TM2D3: variants seen among roughly 807,000 people sequenced by gnomAD.
TM2D3 encodes TM2 domain-containing protein 3.
Under a neutral mutation model 27.3 loss-of-function variants are expected in TM2D3, and 33 were observed. That is an observed-to-expected ratio of 1.21 (90% CI 0.92 to 1.61). The LOEUF is 1.61. TM2D3 is among the 40% of genes most tolerant of loss of function. The pLI, the probability that TM2D3 is intolerant of heterozygous loss-of-function variation, is 0.00. For missense variants in TM2D3, 364 were observed against 320.8 expected (o/e 1.13, Z -1.03); for synonymous variants, 138 against 122.2 (o/e 1.13, Z -0.85).
At chr15:101,649,893 A>G in intron 3 of TM2D3, 111 bp downstream of exon 3, 2 of 1,079,528 alleles carry the variant, frequency 1.9e-6, no homozygotes, top group Admixed American at 2.7e-5. Flanking sequence ...GGAAATCATA[A>G]AAGAATATAA....
At position 101,642,003 on chromosome 15, in the gene TM2D3, A is replaced by G; in HGVS notation, c.*476T>C. The G allele has an allele frequency of 1.0e-6, 1 of 986,024 alleles. No individual in the cohort carries two copies. The highest frequency in any genetic ancestry group is 1.1e-4 in the East Asian group (1 of 8,820). 61.1% of individuals were successfully genotyped at this position (986,024 alleles called of 1,614,324 possible). A position where few individuals can be genotyped will look rare whatever the true frequency, so the allele number is the denominator to read the frequency against. On this transcript the variant is annotated 3_prime_UTR_variant, in exon 6 of 6. Transcript: ENST00000333202. ...ACATATGTATTACACTGCAAAACTT[A>G]CACATGACTGAAGCTGAGCCTAATA...
chr15:101,633,530 C>G, exon 5 of TM2D3: 1 of 584,754 alleles, frequency 1.7e-6, no homozygotes, highest in Non-Finnish European at 2.8e-6. Context: ...CAATGTGTTC[C>G]TGAATAAGCA....
downstream of TM2D3, among the ~76,000 whole-genome samples, chr15:101,639,545 C>T (rs1195652560): frequency 6.6e-6 from 1 of 151,504 alleles, no homozygotes; most frequent in Admixed American, 6.6e-5. Flanking sequence ...ATGATATATG[C>T]CCAAAATAAA....
intron 5 of TM2D3, among the ~76,000 whole-genome samples, chr15:101,642,863 G>C (rs73484994): frequency 0.026 from 3,991 of 152,188 alleles, 170 homozygotes; most frequent in African/African-American, 0.09. Context: ...ATTTTTAGCT[G>C]TACTAAAAAA....
chr15:101,642,358 GCAAA>G lies in TM2D3; in HGVS notation c.*117_*120del. 7.4e-7 allele frequency: 1 copy of G among 1,349,432 alleles called. No individual in the cohort carries two copies. 83.6% of individuals were successfully genotyped at this position (1,349,432 alleles called of 1,614,324 possible). Reference sequence around the variant, plus strand: ...TTTCATTTATCTTACCTTTATCAAGGCAAACAAAGTACAGATGCTGTACATTAAA... The same window carrying G: ...TTTCATTTATCTTACCTTTATCAAGGCAAAGTACAGATGCTGTACATTAAA... On this transcript the variant is annotated 3_prime_UTR_variant, in exon 6 of 6. Coordinates refer to ENST00000333202, the MANE Select transcript of TM2D3 (RefSeq NM_078474.3).
Position 101,642,256 on chromosome 15 carries a change from G to T in TM2D3, c.*223C>A, listed in dbSNP as rs1479985292. 1 of 1,226,284 alleles carries T rather than the reference G, an allele frequency of 8.2e-7. No homozygotes were observed. Among genetic ancestry groups the T allele is most frequent in the Non-Finnish European group, 1.0e-6 (1 of 981,990 alleles). The allele number at this position is 1,226,284 out of a possible 1,614,324, so 76.0% of individuals were successfully genotyped here. ...TGTATAATTCATTCTCCTGGCTTAAGTACGTTTTAATTTTTTCACAGAAAA... is the reference window on the plus strand; with the variant it reads ...TGTATAATTCATTCTCCTGGCTTAATTACGTTTTAATTTTTTCACAGAAAA... On this transcript the variant is annotated 3_prime_UTR_variant, in exon 6 of 6. Transcript: ENST00000333202.
chr15:101,650,308 G>T, intron 2 of TM2D3, 147 bp from the exon 3 acceptor site: 1 of 715,274 alleles, frequency 1.4e-6, no homozygotes, highest in Non-Finnish European at 2.2e-6. Context: ...AGAGACACCT[G>T]CAATTAAAGC....
intron 3 of TM2D3, among the ~76,000 whole-genome samples, chr15:101,647,793 C>T (rs1345573482): frequency 1.3e-5 from 2 of 152,088 alleles, no homozygotes; most frequent in African/African-American, 4.8e-5. Flanking sequence ...CTCTACCTGA[C>T]ATTACATTGC....
At chr15:101,633,771 G>T in intron 4 of TM2D3, 1 of 1,487,802 alleles carries the variant, frequency 6.7e-7, no homozygotes, top group Non-Finnish European at 9.0e-7. Context: ...AAAACAATTA[G>T]TTCTTATGAC....
chr15:101,635,553 GC>G (rs1315918295), intron 4 of TM2D3: 1 of 152,162 alleles, frequency 6.6e-6, no homozygotes. Flanking sequence ...GCTAGAGAAG[GC>G]GAATCCGTGT....
At chr15:101,641,550 A>G (rs1896669027), downstream of TM2D3, among the ~76,000 whole-genome samples, 1 of 152,270 alleles carries the variant, frequency 6.6e-6, no homozygotes, top group South Asian at 2.1e-4. Context: ...GTGTTTAAAA[A>G]GCAGTAACTC....
At chr15:101,651,881 T>G in intron 1 of TM2D3, 108 bp from the exon 2 acceptor site, 1 of 1,119,046 alleles carries the variant, frequency 8.9e-7, no homozygotes, top group South Asian at 1.2e-5. Context: ...AAGCTGCTCA[T>G]GAAAACCTCA....
chr15:101,643,475 G>A (rs111313802), intron 5 of TM2D3, among the ~76,000 whole-genome samples: 2 of 151,920 alleles, frequency 1.3e-5, no homozygotes, highest in East Asian at 1.9e-4. Flanking sequence ...GGTGGCGGGC[G>A]CCTGTAGTCC....
At chr15:101,648,200 G>A (rs1490991872) in intron 3 of TM2D3, 1 of 150,900 alleles carries the variant, frequency 6.6e-6, no homozygotes, top group Non-Finnish European at 1.5e-5. Flanking sequence ...CCCGGCCCAT[G>A]TTTGTTATTT....
At chr15:101,647,314 A>G (rs1440531468) in intron 3 of TM2D3, among the ~76,000 whole-genome samples, 1 of 152,228 alleles carries the variant, frequency 6.6e-6, no homozygotes, top group Non-Finnish European at 1.5e-5. Context: ...CATTTGTTGA[A>G]GGTCACTGAG....
chr15:101,647,042 C>T (rs893376651), intron 3 of TM2D3, 143 bp from the exon 4 acceptor site: 6 of 769,958 alleles, frequency 7.8e-6, no homozygotes, highest in Admixed American at 4.9e-5. Context: ...AAACAGTTAC[C>T]AAAACAATAT....
At position 101,652,296 on chromosome 15, in the gene TM2D3, C is replaced by A; in HGVS notation, c.66G>T (p.Ser22=). 1 of 1,604,866 alleles carries A rather than the reference C, an allele frequency of 6.2e-7. No homozygotes were observed. Among genetic ancestry groups the A allele is most frequent in the Non-Finnish European group, 8.5e-7 (1 of 1,176,168 alleles). ...RALCRVLLFL[S]QFCILSGGEQ... The stretch of plus-strand genomic sequence containing the variant: ...CACCGCCCGACAGAATGCAGAACTG[C>A]GAGAGGAAGAGCAGCACGCGACACA... Residue 22 remains serine (S), a synonymous_variant, in exon 1 of 6, where the codon TCG becomes TCT. Transcript: ENST00000333202.
At chr15:101,639,999 G>C (rs1300496562), downstream of TM2D3, among the ~76,000 whole-genome samples, 1 of 152,184 alleles carries the variant, frequency 6.6e-6, no homozygotes, top group South Asian at 2.1e-4. Context: ...AGATTCTTAA[G>C]GGGAAATCAT....
In TM2D3 at chr15:101,642,563, A is replaced by C; in HGVS notation, c.660T>G (p.Gly220=). ...CTATCAGCGTCCATATTCCCAGGCC[A>C]CCGAAGCTGAAGAGCTTGCCGAGGC... ...REGLGKLFSF[G]GLGIWTLIDV... The change falls in exon 6 of 6, where the codon GGT becomes GGG. Residue 220 remains glycine (G), a synonymous_variant. Coordinates refer to ENST00000333202, the MANE Select transcript of TM2D3 (RefSeq NM_078474.3). 4.3e-6 allele frequency: 7 copies of C among 1,613,148 alleles called. No homozygotes were observed. Among genetic ancestry groups the C allele is most frequent in the Non-Finnish European group, 5.9e-6 (7 of 1,179,840 alleles).
Sources: gnomAD v4.1 joint callset for allele counts (sites outside exome capture counted in the v4.1 genomes callset) on GRCh38, gnomAD v4.1.1 for gene constraint, MANE v1.5 for transcripts, NCBI Gene and HGNC (gene_info 2026-07-23, HGNC 2026-07-21) for gene names.